CNIH3: variants seen among roughly 807,000 people sequenced by gnomAD.
CNIH3 encodes the protein cornichon family AMPA receptor auxiliary protein 3.
A neutral mutation model predicts 24.1 loss-of-function variants in CNIH3; 14 were observed. That is an observed-to-expected ratio of 0.58 (90% CI 0.38 to 0.91). The LOEUF (loss-of-function observed/expected upper bound fraction) is 0.91, where lower values mean the gene tolerates loss of function less well. Among genes scored for constraint, CNIH3 ranks in the 40% least tolerant of loss-of-function variants. The pLI is 0.00. For missense variants in CNIH3, 178 were observed against 196.8 expected (o/e 0.90, Z 0.57); for synonymous variants, 68 against 73.8 (o/e 0.92, Z 0.40).
chr1:224,727,699 C>T (rs769732043), intron 3 of CNIH3, among the ~76,000 whole-genome samples: 1 of 152,110 alleles, frequency 6.6e-6, no homozygotes, highest in Non-Finnish European at 1.5e-5. Flanking sequence ...CTTACCTCTT[C>T]CACATCATTG....
chr1:224,471,677 G>A lies in CNIH3; in HGVS notation n.203+36815G>A, dbSNP rs991953616. 4.7e-5 allele frequency among the ~76,000 whole-genome samples: 7 copies of A among 150,058 alleles called. No homozygotes were observed. The South Asian group carries it at 1.0e-3, about 22-fold the overall frequency. On this transcript the variant is annotated intron_variant and non_coding_transcript_variant, in intron 1 of 5. Transcript: ENST00000471578. ...GTGATCTCGGCTCACCGCAACCTACGCCTCCTGGGTTCAAGCAGTTCTCTG... is the reference window on the plus strand; with the variant it reads ...GTGATCTCGGCTCACCGCAACCTACACCTCCTGGGTTCAAGCAGTTCTCTG...
chr1:224,655,636 C>G (rs550072315), intron 1 of CNIH3, among the ~76,000 whole-genome samples: 1 of 152,288 alleles, frequency 6.6e-6, no homozygotes, highest in East Asian at 1.9e-4. Context: ...TGTTTGTTCT[C>G]CAACTTTCCA....
intron 3 of CNIH3, among the ~76,000 whole-genome samples, chr1:224,595,066 A>G (rs1413960833): frequency 6.6e-6 from 1 of 152,096 alleles, no homozygotes; most frequent in Non-Finnish European, 1.5e-5. Context: ...AATTCTCACA[A>G]TATTTCAAAT....
intron 1 of CNIH3, among the ~76,000 whole-genome samples, chr1:224,671,274 G>A (rs12135641): frequency 0.042 from 6,411 of 152,202 alleles, 218 homozygotes; most frequent in East Asian, 0.15. Context: ...CAAGACTCTG[G>A]GCCTCTCCAA....
downstream of CNIH3, among the ~76,000 whole-genome samples, chr1:224,542,267 G>A (rs1572443863): frequency 1.3e-5 from 2 of 152,284 alleles, no homozygotes; most frequent in Middle Eastern, 6.8e-3. Flanking sequence ...AACATTTGGG[G>A]TGTCTATTCT....
chr1:224,684,786 A>G lies in CNIH3; in HGVS notation c.151-10A>G, dbSNP rs1686572117. On this transcript the variant is annotated splice_polypyrimidine_tract_variant and intron_variant, in intron 2 of 5. Coordinates refer to ENST00000272133, the MANE Select transcript of CNIH3 (RefSeq NM_152495.2). The surrounding 1 kb of genome is among the most constrained non-coding windows in gnomAD (Gnocchi z 4.2). ...CTCCCCTCTCATTTCTTTCTTGTGC[A>G]TCCTGATAGAGGGAACGGTTGAGGA... 2 of 1,613,638 alleles carry G rather than the reference A, an allele frequency of 1.2e-6. No individual in the cohort carries two copies. The highest frequency in any genetic ancestry group is 2.2e-5 in the South Asian group (2 of 91,070).
chr1:224,589,885 T>C (rs1318728255), downstream of CNIH3, among the ~76,000 whole-genome samples: 1 of 150,182 alleles, frequency 6.7e-6, no homozygotes, highest in Non-Finnish European at 1.5e-5. Context: ...GATATCCACT[T>C]TTTTTTTTTG....
At chr1:224,619,549 C>T (rs2125064066) in intron 1 of CNIH3, among the ~76,000 whole-genome samples, 1 of 152,316 alleles carries the variant, frequency 6.6e-6, no homozygotes, top group Admixed American at 6.5e-5. Context: ...ACAACCCAAA[C>T]CCCATCACAC....
chr1:224,438,993 G>A (rs1035039186), intron 1 of CNIH3, among the ~76,000 whole-genome samples: 1 of 152,172 alleles, frequency 6.6e-6, no homozygotes, highest in Non-Finnish European at 1.5e-5. Flanking sequence ...GGTTAGGATT[G>A]TTTCTGAGCT....
chr1:224,739,115 A>G (rs927305455), intron 5 of CNIH3, among the ~76,000 whole-genome samples: 1 of 152,238 alleles, frequency 6.6e-6, no homozygotes, highest in Middle Eastern at 3.4e-3. Flanking sequence ...GGGATACAAT[A>G]TGCTCTCCCA....
intron 1 of CNIH3, among the ~76,000 whole-genome samples, chr1:224,470,119 T>A (rs1416404298): frequency 6.6e-6 from 1 of 151,442 alleles, no homozygotes; most frequent in Non-Finnish European, 1.5e-5. Flanking sequence ...CCCGGGTTCA[T>A]GCCATTTTCC....
intron 1 of CNIH3, among the ~76,000 whole-genome samples, chr1:224,460,277 G>A (rs755807902): frequency 6.6e-6 from 1 of 152,062 alleles, no homozygotes; most frequent in Non-Finnish European, 1.5e-5. Flanking sequence ...TATTTAAAGT[G>A]GATAATTTGA....
chr1:224,603,199 T>C (rs1005218764), intron 3 of CNIH3, among the ~76,000 whole-genome samples: 2 of 152,198 alleles, frequency 1.3e-5, no homozygotes, highest in African/African-American at 4.8e-5. Context: ...ATCAACACTT[T>C]ACATGAGATG....
chr1:224,475,111 C>A (rs983857774), intron 1 of CNIH3, among the ~76,000 whole-genome samples: 3 of 149,678 alleles, frequency 2.0e-5, no homozygotes, highest in East Asian at 4.0e-4. Flanking sequence ...GTAATCCCAG[C>A]ACTTTGGAAG....
intron 1 of CNIH3, among the ~76,000 whole-genome samples, chr1:224,484,197 G>A (rs1251839046): frequency 3.3e-5 from 5 of 149,264 alleles, no homozygotes; most frequent in East Asian, 2.0e-4. Context: ...TTGGGAGGCC[G>A]AGGCGGGCAG....
intron 1 of CNIH3, among the ~76,000 whole-genome samples, chr1:224,448,447 T>C (rs768453543): frequency 7.2e-5 from 11 of 152,324 alleles, no homozygotes; most frequent in Admixed American, 3.3e-4. Flanking sequence ...GAGGTAATTA[T>C]AATTTGATCT....
rs555690955 is a variant in CNIH3 at position 224,616,596 on chromosome 1, G to C, written c.-579G>C. 6.6e-5 allele frequency: 65 copies of C among 986,668 alleles called. No individual in the cohort carries two copies. The South Asian group carries it at 2.6e-3, about 40-fold the overall frequency. 61.1% of individuals were successfully genotyped at this position (986,668 alleles called of 1,614,324 possible). A position where few individuals can be genotyped will look rare whatever the true frequency, so the allele number is the denominator to read the frequency against. ...GGACCAACGGGACCTACCTCCTCCCGGCTACCTAAAGACTCCTTCTCTCGG... is the reference window on the plus strand; with the variant it reads ...GGACCAACGGGACCTACCTCCTCCCCGCTACCTAAAGACTCCTTCTCTCGG... On this transcript the variant is annotated 5_prime_UTR_variant, in exon 1 of 6. Transcript: ENST00000272133.
At chr1:224,485,725 C>T (rs1558099788) in intron 1 of CNIH3, among the ~76,000 whole-genome samples, 1 of 152,198 alleles carries the variant, frequency 6.6e-6, no homozygotes, top group Admixed American at 6.5e-5. Flanking sequence ...CTCCAGCTCC[C>T]AAAGTGCTAG....
intron 1 of CNIH3, among the ~76,000 whole-genome samples, chr1:224,490,719 A>G (rs924891187): frequency 1.1e-4 from 17 of 152,224 alleles, no homozygotes; most frequent in African/African-American, 1.9e-4. Context: ...TATGTGTCAC[A>G]TTATTTTATG....
Sources: gnomAD v4.1 joint callset for allele counts (sites outside exome capture counted in the v4.1 genomes callset) on GRCh38, gnomAD v4.1.1 for gene constraint, Gnocchi (gnomAD v3.1) non-coding constraint, MANE v1.5 for transcripts, NCBI Gene and HGNC (gene_info 2026-07-23, HGNC 2026-07-21) for gene names.